GRIN2B: variants seen among roughly 807,000 people sequenced by gnomAD.
The protein encoded by GRIN2B is glutamate receptor ionotropic, NMDA 2B.
A neutral mutation model predicts 114.5 loss-of-function variants in GRIN2B; 5 were observed. The ratio of observed to expected loss-of-function variants is 0.04; its 90% CI spans 0.02 to 0.09. The LOEUF (loss-of-function observed/expected upper bound fraction) is 0.09, where lower values mean the gene tolerates loss of function less well. Among genes scored for constraint, GRIN2B ranks in the 10% least tolerant of loss-of-function variants. GRIN2B has a pLI of 1.00. For synonymous variants in GRIN2B, 787 were observed against 745.1 expected (o/e 1.06, Z -0.92); for missense variants, 1,108 against 1,943.5 (o/e 0.57, Z 8.08).
At chr12:13,737,969 A>T (rs1863214798) in intron 4 of GRIN2B, among the ~76,000 whole-genome samples, 1 of 152,202 alleles carries the variant, frequency 6.6e-6, no homozygotes. Flanking sequence ...GCTTGTCCAC[A>T]GTAGACATTG....
intron 2 of GRIN2B, among the ~76,000 whole-genome samples, chr12:13,891,188 T>C (rs923983943): frequency 2.0e-5 from 3 of 152,240 alleles, no homozygotes; most frequent in African/African-American, 7.2e-5. Context: ...CAGAGCCTCT[T>C]GAACTCAATA....
chr12:13,642,517 T>A (rs1333956280), intron 5 of GRIN2B, among the ~76,000 whole-genome samples: 1 of 152,164 alleles, frequency 6.6e-6, no homozygotes, highest in Non-Finnish European at 1.5e-5. Flanking sequence ...GGGCTAATTA[T>A]TCTCAGTGGC....
intron 2 of GRIN2B, among the ~76,000 whole-genome samples, chr12:13,871,329 A>C (rs1400676816): frequency 1.4e-5 from 2 of 146,004 alleles, no homozygotes; most frequent in African/African-American, 5.6e-5. Flanking sequence ...TAATGTGATT[A>C]AATTAAAAGT....
intron 4 of GRIN2B, among the ~76,000 whole-genome samples, chr12:13,688,309 C>T (rs780831760): frequency 6.6e-6 from 1 of 152,136 alleles, no homozygotes; most frequent in Non-Finnish European, 1.5e-5. Flanking sequence ...TATACACCAA[C>T]CAGTGGTCCA....
rs916351939 is a variant in GRIN2B at position 13,551,443 on chromosome 12, G to A, written c.*11340C>T. The A allele has an allele frequency of 8.5e-5, 13 of 152,158 alleles. No homozygotes were observed. Among genetic ancestry groups the A allele is most frequent in the Admixed American group, 8.5e-4 (13 of 15,292 alleles). The allele number at this position is 152,158 out of a possible 1,614,324, so 9.4% of individuals were successfully genotyped here. A position where few individuals can be genotyped will look rare whatever the true frequency, so the allele number is the denominator to read the frequency against. The stretch of plus-strand genomic sequence containing the variant: ...AATGGGAAAATGGAGACGATAACTA[G>A]GTTGTTTCATCACAAAGAACATGCT... On this transcript the variant is annotated 3_prime_UTR_variant, in exon 14 of 14. Transcript: ENST00000609686.
intron 3 of GRIN2B, among the ~76,000 whole-genome samples, chr12:13,808,921 C>G (rs2136681912): frequency 6.6e-6 from 1 of 152,066 alleles, no homozygotes; most frequent in African/African-American, 2.4e-5. Flanking sequence ...ATAACAGATT[C>G]TATCCTCTTT....
chr12:13,914,207 C>T (rs1866672300), intron 2 of GRIN2B, among the ~76,000 whole-genome samples: 2 of 152,038 alleles, frequency 1.3e-5, no homozygotes, highest in South Asian at 2.1e-4. Context: ...ACTACTGGTC[C>T]CCTGCCTACC....
intron 3 of GRIN2B, among the ~76,000 whole-genome samples, chr12:13,856,090 A>T (rs1285562499): frequency 6.6e-6 from 1 of 152,210 alleles, no homozygotes; most frequent in Non-Finnish European, 1.5e-5. Context: ...TGAAGGTGGG[A>T]GTCAGGAAAG....
At chr12:13,940,784 T>A (rs1476862173) in intron 2 of GRIN2B, among the ~76,000 whole-genome samples, 2 of 152,074 alleles carry the variant, frequency 1.3e-5, no homozygotes, top group Non-Finnish European at 2.9e-5. Context: ...CTTTGCTAAA[T>A]AAGCCATTCT....
At chr12:13,644,999 T>C (rs1949749581) in intron 5 of GRIN2B, among the ~76,000 whole-genome samples, 1 of 152,150 alleles carries the variant, frequency 6.6e-6, no homozygotes, top group Non-Finnish European at 1.5e-5. Flanking sequence ...TTTCTTATCA[T>C]ATGTGTGTTC....
In GRIN2B at chr12:13,560,161, G is replaced by C. The variant is rs553264315; in HGVS notation, c.*2622C>G. ...AACCAGTAAGAAGACTGGTTTTCTG[G>C]GGGGGATGGACACAATTACTTTCCC... On this transcript the variant is annotated 3_prime_UTR_variant, in exon 14 of 14. Transcript: ENST00000609686. 1.3e-5 allele frequency: 2 copies of C among 152,204 alleles called. No homozygotes were observed. The highest frequency in any genetic ancestry group is 4.8e-5 in the African/African-American group (2 of 41,520). 9.4% of individuals were successfully genotyped at this position (152,204 alleles called of 1,614,324 possible).
At chr12:13,678,284 T>C (rs1950094779) in intron 4 of GRIN2B, among the ~76,000 whole-genome samples, 2 of 152,280 alleles carry the variant, frequency 1.3e-5, no homozygotes, top group African/African-American at 2.4e-5. Flanking sequence ...CACCACTGGA[T>C]TGTCCTTGTA....
intron 3 of GRIN2B, among the ~76,000 whole-genome samples, chr12:13,777,919 C>T (rs575399351): frequency 9.8e-5 from 15 of 152,318 alleles, no homozygotes; most frequent in Admixed American, 6.5e-5. Context: ...TTTCCAATTT[C>T]CTATGTCTGC....
chr12:13,669,265 G>T (rs1950002891), intron 5 of GRIN2B, among the ~76,000 whole-genome samples: 1 of 151,918 alleles, frequency 6.6e-6, no homozygotes, highest in African/African-American at 2.4e-5. Flanking sequence ...AGAGGAGAAA[G>T]TGAACAGCTG....
intron 2 of GRIN2B, among the ~76,000 whole-genome samples, chr12:13,946,567 A>G (rs1867366507): frequency 6.6e-6 from 1 of 152,014 alleles, no homozygotes; most frequent in South Asian, 2.1e-4. Flanking sequence ...ATATATATAA[A>G]AGTTTCAGTT....
intron 4 of GRIN2B, among the ~76,000 whole-genome samples, chr12:13,729,150 G>T (rs1488853008): frequency 6.6e-6 from 1 of 152,172 alleles, no homozygotes; most frequent in African/African-American, 2.4e-5. Flanking sequence ...CTTAGCACTA[G>T]CTATCCTGTG....
At chr12:13,968,415 G>T (rs1867824549) in intron 2 of GRIN2B, among the ~76,000 whole-genome samples, 1 of 152,270 alleles carries the variant, frequency 6.6e-6, no homozygotes, top group East Asian at 1.9e-4. Context: ...CTCCCCTAAA[G>T]ACCTCATTTT....
At chr12:13,775,976 C>T (rs1377855785) in intron 3 of GRIN2B, among the ~76,000 whole-genome samples, 12 of 152,088 alleles carry the variant, frequency 7.9e-5, no homozygotes, top group Non-Finnish European at 1.3e-4. Flanking sequence ...CACATGTACA[C>T]GTATGTTCAC....
At chr12:13,739,412 G>GAAAA (rs1565519594) in intron 4 of GRIN2B, among the ~76,000 whole-genome samples, 5 of 133,918 alleles carry the variant, frequency 3.7e-5, no homozygotes, top group Admixed American at 8.1e-5. Flanking sequence ...AGAAGAAAAG[G>GAAAA]AAAAAAAAAG....
Sources: gnomAD v4.1 joint callset for allele counts (sites outside exome capture counted in the v4.1 genomes callset) on GRCh38, gnomAD v4.1.1 for gene constraint, MANE v1.5 for transcripts, NCBI Gene and HGNC (gene_info 2026-07-23, HGNC 2026-07-21) for gene names.